The following PDE4D variants were observed in gnomAD, a reference collection of about 807,000 sequenced individuals.
PDE4D encodes the protein phosphodiesterase 4D.
In PDE4D, 24 loss-of-function variants were observed where a neutral mutation model predicts 87.4. The ratio of observed to expected loss-of-function variants is 0.27; its 90% CI spans 0.20 to 0.39. The LOEUF is 0.39. PDE4D is among the 10% of genes least tolerant of loss of function. PDE4D has a pLI of 1.00. For synonymous variants in PDE4D, 384 were observed against 383.2 expected (o/e 1.00, Z -0.02); for missense variants, 714 against 1,041.0 (o/e 0.69, Z 4.32).
chr5:59,758,351 A>G (rs1233762779), intron 1 of PDE4D, among the ~76,000 whole-genome samples: 1 of 152,180 alleles, frequency 6.6e-6, no homozygotes, highest in Non-Finnish European at 1.5e-5. Context: ...GTTATAATTA[A>G]TCTAAGGTTA....
intron 1 of PDE4D, chr5:60,521,519 T>C (rs1751038565): frequency 6.6e-6 from 1 of 152,162 alleles, no homozygotes; most frequent in South Asian, 2.1e-4. Flanking sequence ...CTCTCAGCAC[T>C]GTTAACTGAG....
intron 1 of PDE4D, among the ~76,000 whole-genome samples, chr5:59,881,668 C>T (rs1749446126): frequency 6.6e-6 from 1 of 152,016 alleles, no homozygotes; most frequent in South Asian, 2.1e-4. Context: ...ATAATTCTTT[C>T]AGTTCAAGCA....
chr5:59,797,344 G>A (rs187946204), intron 1 of PDE4D, among the ~76,000 whole-genome samples: 192 of 152,306 alleles, frequency 1.3e-3, no homozygotes, highest in African/African-American at 4.4e-3. Context: ...GCACTAAGAG[G>A]ATCTCAGGAA....
At chr5:60,311,370 C>T (rs936925964) in intron 1 of PDE4D, among the ~76,000 whole-genome samples, 2 of 152,210 alleles carry the variant, frequency 1.3e-5, no homozygotes, top group Admixed American at 6.5e-5. Context: ...GCAGGCCTTT[C>T]AGCAGAAACC....
intron 1 of PDE4D, among the ~76,000 whole-genome samples, chr5:59,801,144 C>G (rs893399298): frequency 2.6e-5 from 4 of 152,076 alleles, no homozygotes; most frequent in African/African-American, 9.7e-5. Context: ...TACATTGAAT[C>G]AAAGACGAGA....
At chr5:59,876,561 T>C (rs1342772454) in intron 1 of PDE4D, among the ~76,000 whole-genome samples, 2 of 152,204 alleles carry the variant, frequency 1.3e-5, no homozygotes, top group Non-Finnish European at 2.9e-5. Context: ...CTCTAAGTTA[T>C]GACTCTATCT....
chr5:60,411,808 GT>G (rs1364786649), intron 1 of PDE4D, among the ~76,000 whole-genome samples: 2 of 152,054 alleles, frequency 1.3e-5, no homozygotes, highest in Non-Finnish European at 2.9e-5. Context: ...ATCCAATGGT[GT>G]TCCCCAGATA....
At chr5:60,399,857 C>T (rs1235342106) in intron 1 of PDE4D, among the ~76,000 whole-genome samples, 2 of 152,268 alleles carry the variant, frequency 1.3e-5, no homozygotes, top group Admixed American at 1.3e-4. Context: ...GTTCCTACAA[C>T]TTTACAGTGA....
intron 1 of PDE4D, among the ~76,000 whole-genome samples, chr5:59,350,878 A>G (rs1780421642): frequency 6.6e-6 from 1 of 152,208 alleles, no homozygotes; most frequent in South Asian, 2.1e-4. Context: ...GTGTGGCTGT[A>G]GAGCTAGCCA....
intron 1 of PDE4D, among the ~76,000 whole-genome samples, chr5:59,424,340 A>C (rs1475322522): frequency 6.6e-6 from 1 of 152,232 alleles, no homozygotes; most frequent in Non-Finnish European, 1.5e-5. Flanking sequence ...AGGGCCTCTC[A>C]TCAAAGAAAG....
rs575301111 is a variant in PDE4D at position 59,566,533 on chromosome 5, CAT to C, written c.455+326633_455+326634del. Among the ~76,000 whole-genome samples, 267 of 102,740 alleles carry C rather than the reference CAT, an allele frequency of 2.6e-3. 1 individual carries two copies. The highest frequency in any genetic ancestry group is 7.7e-3 in the African/African-American group (212 of 27,424). The allele number at this position is 102,740 out of a possible 152,430, so 67.4% of individuals were successfully genotyped here. On this transcript the variant is annotated intron_variant, in intron 1 of 14. Coordinates refer to ENST00000340635, the MANE Select transcript of PDE4D (RefSeq NM_001104631.2). ...GTAGCATCTGATCCAGTCACAGTTT[CAT>C]GTGTGTGTGTGTGTGTGTGTGTGTG...
chr5:59,658,789 G>A (rs1580217036), intron 1 of PDE4D, among the ~76,000 whole-genome samples: 1 of 152,092 alleles, frequency 6.6e-6, no homozygotes, highest in East Asian at 1.9e-4. Context: ...AGTTGGTTGA[G>A]ATCTTTATAA....
upstream of PDE4D, chr5:60,491,495 T>C (rs1749529841): frequency 6.6e-6 from 1 of 152,210 alleles, no homozygotes. Flanking sequence ...TTCTAAAATA[T>C]ATTACACTTA....
intron 1 of PDE4D, among the ~76,000 whole-genome samples, chr5:60,316,674 T>TTTA (rs1405390071): frequency 6.6e-6 from 1 of 152,178 alleles, no homozygotes; most frequent in Non-Finnish European, 1.5e-5. Context: ...CAATACCTAA[T>TTTA]TTATTGAGAG....
chr5:59,081,891 A>T (rs1318843342), intron 5 of PDE4D, among the ~76,000 whole-genome samples: 1 of 152,112 alleles, frequency 6.6e-6, no homozygotes, highest in Non-Finnish European at 1.5e-5. Context: ...GACTGGGTGA[A>T]GATAATTGAA....
At chr5:59,944,432 G>A (rs1239783266) in intron 3 of PDE4D, among the ~76,000 whole-genome samples, 2 of 152,048 alleles carry the variant, frequency 1.3e-5, no homozygotes, top group African/African-American at 4.8e-5. Flanking sequence ...TAGTGCAGTG[G>A]CGCCATCTCG....
intron 1 of PDE4D, among the ~76,000 whole-genome samples, chr5:59,799,427 A>G (rs549681674): frequency 6.6e-6 from 1 of 152,370 alleles, no homozygotes; most frequent in East Asian, 1.9e-4. Context: ...AATGAATAAA[A>G]TAACAGATGG....
At chr5:60,032,461 C>T (rs1767344153) in intron 2 of PDE4D, among the ~76,000 whole-genome samples, 1 of 152,166 alleles carries the variant, frequency 6.6e-6, no homozygotes, top group Non-Finnish European at 1.5e-5. Flanking sequence ...CATTCCATAA[C>T]TAAACAGGGT....
intron 2 of PDE4D, among the ~76,000 whole-genome samples, chr5:60,064,955 G>A (rs1342808216): frequency 2.0e-5 from 3 of 152,140 alleles, no homozygotes; most frequent in African/African-American, 4.8e-5. Flanking sequence ...AAAAGAGTAG[G>A]AACTGCAAGT....
Sources: allele counts gnomAD v4.1 joint callset (sites outside exome capture counted in the v4.1 genomes callset), GRCh38; gene constraint gnomAD v4.1.1; transcripts MANE v1.5; gene names NCBI Gene and HGNC (gene_info 2026-07-23, HGNC 2026-07-21).